CHCHD3: variants seen among roughly 807,000 people sequenced by gnomAD.
The protein encoded by CHCHD3 is coiled-coil-helix-coiled-coil-helix domain containing 3, also known as MICOS complex subunit MIC19.
In CHCHD3, 20 loss-of-function variants were observed where a neutral mutation model predicts 38.2. That is an observed-to-expected ratio of 0.52 (90% CI 0.37 to 0.76). CHCHD3 has a LOEUF of 0.76. Ranked by LOEUF, CHCHD3 falls within the 30% of genes least tolerant of loss-of-function variation. CHCHD3 has a pLI of 0.00. For synonymous variants in CHCHD3, 82 were observed against 100.0 expected (o/e 0.82, Z 1.07); for missense variants, 245 against 279.2 (o/e 0.88, Z 0.87).
intron 4 of CHCHD3, among the ~76,000 whole-genome samples, chr7:132,889,714 C>T (rs987047693): frequency 6.6e-6 from 1 of 152,174 alleles, no homozygotes; most frequent in Non-Finnish European, 1.5e-5. Context: ...TTTAATAGCA[C>T]ATTGCTTTGA....
At chr7:133,023,254 T>C (rs1374215408) in intron 3 of CHCHD3, among the ~76,000 whole-genome samples, 1 of 152,222 alleles carries the variant, frequency 6.6e-6, no homozygotes, top group Non-Finnish European at 1.5e-5. Context: ...GTCATAAGCC[T>C]TCTCTATTTC....
chr7:132,859,687 C>A (rs1217359330), intron 5 of CHCHD3, among the ~76,000 whole-genome samples: 1 of 152,216 alleles, frequency 6.6e-6, no homozygotes, highest in African/African-American at 2.4e-5. Flanking sequence ...TAGCACAACT[C>A]CTGCCTCCTT....
intron 4 of CHCHD3, among the ~76,000 whole-genome samples, chr7:132,914,114 C>A (rs917645066): frequency 1.5e-4 from 21 of 140,218 alleles, no homozygotes; most frequent in African/African-American, 5.6e-4. Flanking sequence ...TGCCCACCAC[C>A]ATGCCTGGCG....
At chr7:132,830,916 A>G (rs1807632202) in intron 6 of CHCHD3, among the ~76,000 whole-genome samples, 1 of 152,208 alleles carries the variant, frequency 6.6e-6, no homozygotes, top group Non-Finnish European at 1.5e-5. Flanking sequence ...TTACTGAATA[A>G]TCAAGATGTT....
intron 4 of CHCHD3, among the ~76,000 whole-genome samples, chr7:132,911,385 AC>A (rs562336722): frequency 2.9e-4 from 44 of 152,332 alleles, no homozygotes; most frequent in African/African-American, 1.0e-3. Flanking sequence ...CTTTCAGATC[AC>A]ACTGGAAGGA....
At chr7:132,919,787 C>G (rs771304133) in intron 4 of CHCHD3, among the ~76,000 whole-genome samples, 2 of 152,100 alleles carry the variant, frequency 1.3e-5, no homozygotes, top group African/African-American at 4.8e-5. Flanking sequence ...GGACCCAAAC[C>G]GTTAACTCCA....
intron 3 of CHCHD3, among the ~76,000 whole-genome samples, chr7:133,023,763 T>C (rs949018955): frequency 1.3e-5 from 2 of 152,200 alleles, no homozygotes; most frequent in Non-Finnish European, 2.9e-5. Flanking sequence ...TTCATGGTGT[T>C]TTTTTCAGTG....
chr7:133,007,360 T>C (rs534364353), intron 3 of CHCHD3, among the ~76,000 whole-genome samples: 1 of 152,354 alleles, frequency 6.6e-6, no homozygotes, highest in African/African-American at 2.4e-5. Context: ...ACATATACCA[T>C]AACTCAATTC....
intron 7 of CHCHD3, among the ~76,000 whole-genome samples, chr7:132,789,867 G>C (rs1806415895): frequency 6.6e-6 from 1 of 152,156 alleles, no homozygotes; most frequent in South Asian, 2.1e-4. Context: ...TCCTGGCACA[G>C]ACCTGGTCTT....
intron 4 of CHCHD3, among the ~76,000 whole-genome samples, chr7:132,891,239 T>C (rs1358425597): frequency 6.6e-6 from 1 of 152,242 alleles, no homozygotes; most frequent in Non-Finnish European, 1.5e-5. Flanking sequence ...GTATTATACT[T>C]CCAGCACTGT....
chr7:132,792,002 T>G (rs989637247), intron 7 of CHCHD3, among the ~76,000 whole-genome samples: 1 of 152,198 alleles, frequency 6.6e-6, no homozygotes, highest in African/African-American at 2.4e-5. Context: ...GCGTGGCTAC[T>G]GTCCCACTGC....
intron 6 of CHCHD3, among the ~76,000 whole-genome samples, chr7:132,798,020 A>G: frequency 6.6e-6 from 1 of 152,092 alleles, no homozygotes; most frequent in East Asian, 1.9e-4. Context: ...TTTAAATTTA[A>G]TGGGTTCAAA....
At chr7:132,853,050 T>C (rs748355706) in intron 5 of CHCHD3, among the ~76,000 whole-genome samples, 1 of 152,192 alleles carries the variant, frequency 6.6e-6, no homozygotes, top group Non-Finnish European at 1.5e-5. Context: ...CAAATCTATT[T>C]GCTCAAAAGT....
At chr7:132,974,875 A>G (rs1288879617) in intron 4 of CHCHD3, among the ~76,000 whole-genome samples, 1 of 149,694 alleles carries the variant, frequency 6.7e-6, no homozygotes, top group African/African-American at 2.5e-5. Flanking sequence ...CTCCGTCTCA[A>G]AAAAAAAAAG....
intron 5 of CHCHD3, among the ~76,000 whole-genome samples, chr7:132,852,750 G>C (rs915785381): frequency 2.0e-5 from 3 of 152,196 alleles, no homozygotes; most frequent in African/African-American, 7.2e-5. Flanking sequence ...GGAAGGAGAA[G>C]TGTTGGTGGA....
chr7:132,829,472 G>C (rs1269784118), intron 6 of CHCHD3, among the ~76,000 whole-genome samples: 1 of 152,108 alleles, frequency 6.6e-6, no homozygotes, highest in Non-Finnish European at 1.5e-5. Context: ...TGATTTGTTA[G>C]CTCACACAGA....
At chr7:132,954,034 G>A (rs1811098999) in intron 4 of CHCHD3, among the ~76,000 whole-genome samples, 2 of 152,172 alleles carry the variant, frequency 1.3e-5, no homozygotes, top group African/African-American at 4.8e-5. Context: ...AGATATTTAT[G>A]CTATGGGATG....
intron 5 of CHCHD3, among the ~76,000 whole-genome samples, chr7:132,845,812 G>T (rs1420331739): frequency 6.6e-6 from 1 of 152,178 alleles, no homozygotes; most frequent in Admixed American, 6.5e-5. Flanking sequence ...TGTACTTTCC[G>T]GCATGCAACT....
intron 5 of CHCHD3, among the ~76,000 whole-genome samples, chr7:132,839,483 TAAGACTCAATGAAATATCCTGCAAAA>T (rs1807883538): frequency 6.6e-6 from 1 of 152,252 alleles, no homozygotes; most frequent in East Asian, 1.9e-4. Context: ...CCATGAGCCC[TAAGACTCAATGAAATATCCTGCAAAA>T]TGCACTGCAT....
Sources: allele counts gnomAD v4.1 joint callset (sites outside exome capture counted in the v4.1 genomes callset), GRCh38; gene constraint gnomAD v4.1.1; transcripts MANE v1.5; gene names NCBI Gene and HGNC (gene_info 2026-07-23, HGNC 2026-07-21).